The following MYO1E variants were observed in gnomAD, a reference collection of about 807,000 sequenced individuals.
The protein encoded by MYO1E is unconventional myosin-Ie.
MYO1E carries 68 observed loss-of-function variants against 151.1 expected under a neutral mutation model. The observed-to-expected ratio is 0.45, with a 90% CI of 0.37 to 0.55. MYO1E has a LOEUF of 0.55. Ranked by LOEUF, MYO1E falls within the 20% of genes least tolerant of loss-of-function variation. The pLI is 0.00. For missense variants in MYO1E, 1,363 were observed against 1,389.3 expected (o/e 0.98, Z 0.30); for synonymous variants, 601 against 501.7 (o/e 1.20, Z -2.64).
chr15:59,372,390 C>T (rs1596448182), intron 1 of MYO1E, 108 bp downstream of exon 1: 8 of 1,384,008 alleles, frequency 5.8e-6, no homozygotes, highest in African/African-American at 2.9e-5. Flanking sequence ...CCGCGTCCAC[C>T]TTCTCCACCC....
chr15:59,160,427 G>T (rs1341852121), intron 24 of MYO1E, among the ~76,000 whole-genome samples: 1 of 150,352 alleles, frequency 6.7e-6, no homozygotes, highest in East Asian at 2.0e-4. Context: ...ATGAGGCAGG[G>T]TCTTGCTCTG....
At position 59,133,473 on chromosome 15, in the gene MYO1E, T is replaced by C. The variant is rs1464139201; in HGVS notation, c.*3907A>G. 1 of 150,160 alleles carries C rather than the reference T, an allele frequency of 6.7e-6. No homozygotes were observed. Among genetic ancestry groups the C allele is most frequent in the Non-Finnish European group, 1.5e-5 (1 of 67,654 alleles). The allele number at this position is 150,160 out of a possible 1,614,324, so 9.3% of individuals were successfully genotyped here. On this transcript the variant is annotated 3_prime_UTR_variant, in exon 28 of 28. Coordinates refer to ENST00000288235, the MANE Select transcript of MYO1E (RefSeq NM_004998.4). ...GACCTAGTGAACCATACTGAGCCAG[T>C]CTTCTTGTTAGAAAGGGTGCTCAGA...
intron 1 of MYO1E, among the ~76,000 whole-genome samples, chr15:59,278,956 G>A (rs543598123): frequency 1.4e-3 from 207 of 152,156 alleles, no homozygotes; most frequent in Non-Finnish European, 2.4e-3. Context: ...TGCTTGGAGT[G>A]GGTGGAAAAG....
intron 5 of MYO1E, among the ~76,000 whole-genome samples, chr15:59,233,941 T>C (rs1278767288): frequency 6.6e-6 from 1 of 152,020 alleles, no homozygotes; most frequent in African/African-American, 2.4e-5. Flanking sequence ...TAATAAAATC[T>C]TTTTTTACAT....
chr15:59,300,587 A>G (rs2080476118), intron 1 of MYO1E, among the ~76,000 whole-genome samples: 1 of 152,144 alleles, frequency 6.6e-6, no homozygotes, highest in African/African-American at 2.4e-5. Context: ...TGAAACCTGG[A>G]AGTGGGCCAC....
chr15:59,178,593 C>G, intron 18 of MYO1E, 56 bp from the exon 19 acceptor site: 1 of 1,595,582 alleles, frequency 6.3e-7, no homozygotes, highest in Non-Finnish European at 8.6e-7. Flanking sequence ...CACTGGTTTT[C>G]TACCCGGGCA....
chr15:59,291,756 G>A (rs777081938), intron 1 of MYO1E, among the ~76,000 whole-genome samples: 4 of 134,564 alleles, frequency 3.0e-5, no homozygotes, highest in Non-Finnish European at 6.3e-5. Flanking sequence ...AAGAGAAATA[G>A]CTTGAGATGC....
intron 14 of MYO1E, chr15:59,207,042 G>T (rs1323762963): frequency 6.2e-7 from 1 of 1,614,090 alleles, no homozygotes; most frequent in Non-Finnish European, 8.5e-7. Context: ...GTCAAGCAAC[G>T]CGCATCCCGC....
At chr15:59,181,205 T>A (rs1324210712) in intron 18 of MYO1E, among the ~76,000 whole-genome samples, 1 of 152,204 alleles carries the variant, frequency 6.6e-6, no homozygotes, top group East Asian at 1.9e-4. Flanking sequence ...TGATGAGGCA[T>A]CCCTTTATCA....
At position 59,208,662 on chromosome 15, in the gene MYO1E, A is replaced by G; in HGVS notation, c.1530+19T>C. 1 of 1,614,134 alleles carries G rather than the reference A, an allele frequency of 6.2e-7. No homozygotes were observed. The highest frequency in any genetic ancestry group is 8.5e-7 in the Non-Finnish European group (1 of 1,179,952). On this transcript the variant is annotated intron_variant, in intron 14 of 27. Coordinates refer to ENST00000288235, the MANE Select transcript of MYO1E (RefSeq NM_004998.4). ...AAAGGCTTAAAACAGATAGACATTAAAATGGATATTGGCCATACCTTCCCA... is the reference window on the plus strand; with the variant it reads ...AAAGGCTTAAAACAGATAGACATTAGAATGGATATTGGCCATACCTTCCCA...
chr15:59,293,507 C>T (rs1472198547), intron 1 of MYO1E, among the ~76,000 whole-genome samples: 6 of 151,560 alleles, frequency 4.0e-5, no homozygotes, highest in African/African-American at 1.5e-4. Flanking sequence ...GATCACACCA[C>T]TGCACTCCAG....
intron 16 of MYO1E, among the ~76,000 whole-genome samples, chr15:59,197,095 C>A (rs1057139555): frequency 7.3e-6 from 1 of 136,392 alleles, no homozygotes; most frequent in African/African-American, 2.6e-5. Flanking sequence ...CGAGTTCAAG[C>A]GATTCGCCTG....
chr15:59,207,568 A>G (rs2079846604), intron 14 of MYO1E: 1 of 1,614,126 alleles, frequency 6.2e-7, no homozygotes, highest in African/African-American at 1.3e-5. Flanking sequence ...TATTATTGGA[A>G]GCGGCTGTAA....
At chr15:59,282,772 C>T (rs572720886) in intron 1 of MYO1E, among the ~76,000 whole-genome samples, 1 of 147,224 alleles carries the variant, frequency 6.8e-6, no homozygotes, top group African/African-American at 2.5e-5. Context: ...CGCTTAAGCT[C>T]AGGAGGTCAA....
At chr15:59,324,500 A>G (rs1181939107) in intron 1 of MYO1E, among the ~76,000 whole-genome samples, 1 of 152,104 alleles carries the variant, frequency 6.6e-6, no homozygotes, top group African/African-American at 2.4e-5. Context: ...AGCATCGGGG[A>G]TGCTAGAGTA....
At chr15:59,266,953 G>A (rs1257994462) in intron 2 of MYO1E, 1 of 150,466 alleles carries the variant, frequency 6.6e-6, no homozygotes, top group Admixed American at 6.6e-5. Context: ...GAGCCACCGT[G>A]CCCAGCCTCA....
intron 12 of MYO1E, among the ~76,000 whole-genome samples, chr15:59,211,529 CTA>C (rs1270544722): frequency 6.6e-6 from 1 of 152,162 alleles, no homozygotes; most frequent in African/African-American, 2.4e-5. Flanking sequence ...TTTCTCTAGT[CTA>C]TACCTCGCCA....
chr15:59,307,260 G>A (rs1189245633), intron 1 of MYO1E, among the ~76,000 whole-genome samples: 2 of 152,234 alleles, frequency 1.3e-5, no homozygotes, highest in African/African-American at 4.8e-5. Context: ...GGCATCTCCA[G>A]TGGCACATGA....
rs2079356110 is a variant in MYO1E, at chr15:59,133,581, C to G, written c.*3799G>C. Reference sequence around the variant, plus strand: ...ACCAAGTTACTAAATCCAGAAAGAACTGCAATCAATCAGCTAGGCCTTGGG... The same window carrying G: ...ACCAAGTTACTAAATCCAGAAAGAAGTGCAATCAATCAGCTAGGCCTTGGG... On this transcript the variant is annotated 3_prime_UTR_variant, in exon 28 of 28. Transcript: ENST00000288235. The G allele has an allele frequency of 6.6e-6, 1 of 152,154 alleles. No individual in the cohort carries two copies. Among genetic ancestry groups the G allele is most frequent in the South Asian group, 2.1e-4 (1 of 4,830 alleles). The allele number at this position is 152,154 out of a possible 1,614,324, so 9.4% of individuals were successfully genotyped here. A position where few individuals can be genotyped will look rare whatever the true frequency, so the allele number is the denominator to read the frequency against.
Sources: gnomAD v4.1 joint callset for allele counts (sites outside exome capture counted in the v4.1 genomes callset) on GRCh38, gnomAD v4.1.1 for gene constraint, MANE v1.5 for transcripts, NCBI Gene and HGNC (gene_info 2026-07-23, HGNC 2026-07-21) for gene names.